Variants in HOMER3 observed in about 807,000 individuals in gnomAD.
HOMER3 encodes homer scaffold protein 3, also known as homer protein homolog 3.
A neutral mutation model predicts 45.5 loss-of-function variants in HOMER3; 34 were observed. The ratio of observed to expected loss-of-function variants is 0.75; its 90% CI spans 0.57 to 1.00. The LOEUF is 1.00. Ranked by LOEUF, HOMER3 falls within the 50% of genes least tolerant of loss-of-function variation. The pLI, the probability that HOMER3 is intolerant of heterozygous loss-of-function variation, is 0.00. For synonymous variants in HOMER3, 223 were observed against 208.8 expected (o/e 1.07, Z -0.58); for missense variants, 480 against 497.5 (o/e 0.96, Z 0.33).
chr19:18,940,853 TCCCACGCAGTC>T (rs2057148685), intron 1 of HOMER3, 187 bp downstream of exon 1: 1 of 143,994 alleles, frequency 6.9e-6, no homozygotes, highest in African/African-American at 2.6e-5. Flanking sequence ...TTTGGGAACC[TCCCACGCAGTC>T]CCCTCTCAGA....
chr19:18,938,485 C>T lies in HOMER3; in HGVS notation c.172-1G>A. 6.2e-7 allele frequency: 1 copy of T among 1,612,558 alleles called. No individual in the cohort carries two copies. Among genetic ancestry groups the T allele is most frequent in the Non-Finnish European group, 8.5e-7 (1 of 1,178,740 alleles). ...GAGTGACAGTGCTGTTGATGATGGCCTAGGGTCGGGGAACAAAGTTCAAGG... is the reference window on the plus strand; with the variant it reads ...GAGTGACAGTGCTGTTGATGATGGCTTAGGGTCGGGGAACAAAGTTCAAGG... On this transcript the variant is annotated splice_acceptor_variant, in intron 3 of 9. Transcript: ENST00000392351. LOFTEE classifies it high-confidence loss of function.
Position 18,932,907 on chromosome 19 carries a change from C to CCAA in HOMER3, c.533+16_533+17insTTG. 7.3e-7 allele frequency: 1 copy of CCAA among 1,377,516 alleles called. No individual in the cohort carries two copies. The highest frequency in any genetic ancestry group is 9.4e-7 in the Non-Finnish European group (1 of 1,059,398). The allele number at this position is 1,377,516 out of a possible 1,614,324, so 85.3% of individuals were successfully genotyped here. On this transcript the variant is annotated intron_variant, in intron 6 of 9. Coordinates refer to ENST00000392351, the MANE Select transcript of HOMER3 (RefSeq NM_004838.4). ...CCTACCCCCGCCCCTGCCACGCCCCCAAGTCCCGCCCCTCACCCCTCAGAC... is the reference window on the plus strand; with the variant it reads ...CCTACCCCCGCCCCTGCCACGCCCCCCAAAAGTCCCGCCCCTCACCCCTCAGAC...
chr19:18,934,861 C>G (rs1435593318), intron 4 of HOMER3, among the ~76,000 whole-genome samples: 1 of 133,556 alleles, frequency 7.5e-6, no homozygotes, highest in Non-Finnish European at 1.7e-5. Context: ...TGGCCCTTTT[C>G]CTGTTTTTTG....
rs141926529 is a variant in HOMER3 at position 18,936,111 on chromosome 19, C to T, written c.304-1701G>A. ...CAGGTGGATCATGAGGTCAGGAGTTCAAGAGCAGGCTGACCAACATGGTGA... is the reference window on the plus strand; with the variant it reads ...CAGGTGGATCATGAGGTCAGGAGTTTAAGAGCAGGCTGACCAACATGGTGA... On this transcript the variant is annotated intron_variant, in intron 4 of 9. Coordinates refer to ENST00000392351, the MANE Select transcript of HOMER3 (RefSeq NM_004838.4). 9.4e-3 allele frequency among the ~76,000 whole-genome samples: 1,415 copies of T among 150,224 alleles called. 39 individuals are homozygous for T. The highest frequency in any genetic ancestry group is 0.033 in the African/African-American group (1,342 of 41,172).
intron 6 of HOMER3, among the ~76,000 whole-genome samples, chr19:18,932,706 A>C (rs1015689966): frequency 6.6e-6 from 1 of 150,990 alleles, no homozygotes; most frequent in African/African-American, 2.4e-5. Context: ...CAGCGAGAAG[A>C]GACAGGGATG....
chr19:18,938,203 G>A (rs2057114999), intron 4 of HOMER3, 150 bp downstream of exon 4: 2 of 800,252 alleles, frequency 2.5e-6, no homozygotes, highest in South Asian at 2.5e-5. Flanking sequence ...AACCGGGGAA[G>A]CTTAAAGGGG....
intron 5 of HOMER3, among the ~76,000 whole-genome samples, 181 bp from the exon 6 acceptor site, chr19:18,933,226 T>A (rs572211654): frequency 3.7e-4 from 54 of 144,890 alleles, no homozygotes; most frequent in Admixed American, 1.2e-3. Context: ...CTGTGGCCCC[T>A]AAGCTGGGAG....
chr19:18,931,924 C>T, intron 7 of HOMER3, 52 bp downstream of exon 7: 1 of 1,475,606 alleles, frequency 6.8e-7, no homozygotes, highest in Non-Finnish European at 9.0e-7. Flanking sequence ...GGCGCGGTCT[C>T]CACAGTTGCC....
At chr19:18,931,727 G>T in intron 7 of HOMER3, 102 bp from the exon 8 acceptor site, 1 of 1,505,100 alleles carries the variant, frequency 6.6e-7, no homozygotes, top group South Asian at 1.3e-5. Flanking sequence ...GCCCAGGACC[G>T]AGCACCCATC....
At position 18,935,134 on chromosome 19, in the gene HOMER3, CT is replaced by C. The variant is rs796725352; in HGVS notation, c.304-725del. Among the ~76,000 whole-genome samples, 263 of 112,934 alleles carry C rather than the reference CT, an allele frequency of 2.3e-3. 2 individuals are homozygous for C. Among genetic ancestry groups the C allele is most frequent in the African/African-American group, 4.7e-3 (140 of 29,986 alleles). The allele number at this position is 112,934 out of a possible 152,430, so 74.1% of individuals were successfully genotyped here. ...TGGGATTACAGGCACAGCACCCAGC[CT>C]TTTTTTTTTTTTTTTTTGGGGGGGG... On this transcript the variant is annotated intron_variant, in intron 4 of 9. Transcript: ENST00000392351.
intron 7 of HOMER3, 108 bp downstream of exon 7, chr19:18,931,868 G>A: frequency 2.1e-6 from 3 of 1,431,490 alleles, no homozygotes; most frequent in Non-Finnish European, 2.7e-6. Flanking sequence ...GACCTGCTGA[G>A]GTCACACAGC....
At chr19:18,938,092 T>C (rs56687216) in intron 4 of HOMER3, among the ~76,000 whole-genome samples, 39,274 of 151,600 alleles carry the variant, frequency 0.26, 5,492 homozygotes, top group African/African-American at 0.35. Context: ...CTCAGGAGGC[T>C]GAGGCAGGAG....
At chr19:18,934,826 C>T (rs1033672715) in intron 4 of HOMER3, among the ~76,000 whole-genome samples, 6 of 151,414 alleles carry the variant, frequency 4.0e-5, no homozygotes, top group Admixed American at 1.3e-4. Flanking sequence ...TTTCTAGAGA[C>T]GGGGTCTAGC....
chr19:18,938,279 C>CCCA (rs2057115526), intron 4 of HOMER3, 74 bp downstream of exon 4: 24 of 1,518,054 alleles, frequency 1.6e-5, no homozygotes, highest in South Asian at 1.4e-4. Context: ...TGCCCAAGAT[C>CCCA]CCAGAGTGAG....
At chr19:18,935,465 C>A (rs2057081961) in intron 4 of HOMER3, among the ~76,000 whole-genome samples, 1 of 152,156 alleles carries the variant, frequency 6.6e-6, no homozygotes, top group Non-Finnish European at 1.5e-5. Flanking sequence ...GCTATTTCAA[C>A]AAAGAGAGCC....
At chr19:18,939,762 A>G (rs2057134573) in intron 1 of HOMER3, 1 of 152,314 alleles carries the variant, frequency 6.6e-6, no homozygotes, top group Admixed American at 6.5e-5. Context: ...GGGCGTTGAG[A>G]GGTGTGTAGT....
In HOMER3 at chr19:18,932,971, G is replaced by C; in HGVS notation, c.486C>G (p.Ala162=). ...GCCGCTCGCGCTCTGTGGGGCCGGG[G>C]GCATCAGCGCTCTGGCTGCGGAACA... The part of the protein sequence containing the change: ...EKLFRSQSAD[A]PGPTERERLK... The change falls in exon 6 of 10, where the codon GCC becomes GCG. Residue 162 remains alanine (A), a synonymous_variant. Transcript: ENST00000392351. 1 of 1,463,800 alleles carries C rather than the reference G, an allele frequency of 6.8e-7. No homozygotes were observed. 90.7% of individuals were successfully genotyped at this position (1,463,800 alleles called of 1,614,324 possible). A position where few individuals can be genotyped will look rare whatever the true frequency, so the allele number is the denominator to read the frequency against.
intron 9 of HOMER3, 137 bp downstream of exon 9, chr19:18,931,188 G>A (rs985139689): frequency 2.5e-5 from 18 of 709,690 alleles, no homozygotes; most frequent in Non-Finnish European, 2.7e-5. Context: ...CACTGTTCAC[G>A]CGGCACCTGC....
intron 9 of HOMER3, 35 bp downstream of exon 9, chr19:18,931,290 C>T (rs777995397): frequency 6.5e-7 from 1 of 1,542,192 alleles, no homozygotes; most frequent in South Asian, 1.1e-5. Context: ...TGACTGTCAC[C>T]CACCGTCACC....
Sources: allele counts gnomAD v4.1 joint callset (sites outside exome capture counted in the v4.1 genomes callset), GRCh38; gene constraint gnomAD v4.1.1; transcripts MANE v1.5; gene names NCBI Gene and HGNC (gene_info 2026-07-23, HGNC 2026-07-21).